Variants in CNTNAP2 observed in about 807,000 individuals in gnomAD.
CNTNAP2 encodes the protein contactin associated protein 2.
In CNTNAP2, 98 loss-of-function variants were observed where a neutral mutation model predicts 155.2. The observed-to-expected ratio is 0.63, with a 90% CI of 0.54 to 0.75. CNTNAP2 has a LOEUF of 0.75. Among genes scored for constraint, CNTNAP2 ranks in the 30% least tolerant of loss-of-function variants. CNTNAP2 has a pLI of 0.00. For synonymous variants in CNTNAP2, 651 were observed against 631.2 expected, an observed-to-expected ratio of 1.03 and a Z score of -0.47; for missense variants, 1,727 against 1,688.1, an observed-to-expected ratio of 1.02 and a Z score of -0.40.
At chr7:147,153,029 G>A (rs1403392914) in intron 8 of CNTNAP2, among the ~76,000 whole-genome samples, 1 of 151,946 alleles carries the variant, frequency 6.6e-6, no homozygotes, top group Middle Eastern at 3.2e-3. Context: ...AATTCAGCTG[G>A]GTGAGGGAGG....
intron 1 of CNTNAP2, among the ~76,000 whole-genome samples, chr7:146,579,332 TAA>T (rs1798574484): frequency 6.6e-6 from 1 of 152,156 alleles, no homozygotes; most frequent in Non-Finnish European, 1.5e-5. Context: ...TCTATAAACC[TAA>T]ATAAGCAAAC....
At chr7:147,188,897 T>C (rs1802623378) in intron 8 of CNTNAP2, among the ~76,000 whole-genome samples, 1 of 152,192 alleles carries the variant, frequency 6.6e-6, no homozygotes, top group Non-Finnish European at 1.5e-5. Flanking sequence ...ACACACTTCT[T>C]TTTTAGGGGC....
At chr7:147,855,405 A>G (rs1799018835) in intron 13 of CNTNAP2, among the ~76,000 whole-genome samples, 1 of 151,938 alleles carries the variant, frequency 6.6e-6, no homozygotes. Flanking sequence ...CTGAGCTCTG[A>G]GTGTCATCTT....
At chr7:147,673,619 G>T (rs117622035) in intron 13 of CNTNAP2, among the ~76,000 whole-genome samples, 2,107 of 152,216 alleles carry the variant, frequency 0.014, 49 homozygotes, top group Non-Finnish European at 0.017. Context: ...TAGCTCCGAT[G>T]AAATCTAAAT....
intron 20 of CNTNAP2, among the ~76,000 whole-genome samples, chr7:148,257,453 G>A (rs1796474837): frequency 6.6e-6 from 1 of 152,132 alleles, no homozygotes; most frequent in Admixed American, 6.5e-5. Context: ...AAGTCGGCAG[G>A]ATTTATGAGT....
At chr7:148,361,579 C>T (rs1241137297) in intron 21 of CNTNAP2, among the ~76,000 whole-genome samples, 1 of 152,158 alleles carries the variant, frequency 6.6e-6, no homozygotes, top group East Asian at 1.9e-4. Flanking sequence ...TACTCTCTGC[C>T]TGTGTCTCCA....
intron 2 of CNTNAP2, 143 bp downstream of exon 2, chr7:146,774,524 G>C: frequency 1.5e-6 from 1 of 659,318 alleles, no homozygotes. Context: ...AAGATCCATA[G>C]ATGCCATTAA....
At chr7:148,178,965 G>A (rs1794989368) in intron 18 of CNTNAP2, among the ~76,000 whole-genome samples, 1 of 152,196 alleles carries the variant, frequency 6.6e-6, no homozygotes, top group Admixed American at 6.5e-5. Flanking sequence ...TACTTCAGGA[G>A]CAGTGGCAGT....
intron 12 of CNTNAP2, among the ~76,000 whole-genome samples, chr7:147,606,946 A>C (rs1166983304): frequency 6.6e-6 from 1 of 152,108 alleles, no homozygotes; most frequent in Non-Finnish European, 1.5e-5. Context: ...TTTTTTAATG[A>C]GTGAAATCAC....
chr7:147,349,895 G>T (rs1207828027), intron 9 of CNTNAP2, among the ~76,000 whole-genome samples: 1 of 151,874 alleles, frequency 6.6e-6, no homozygotes, highest in African/African-American at 2.4e-5. Context: ...CTTTGTCCCT[G>T]TCTACAACAC....
intron 9 of CNTNAP2, among the ~76,000 whole-genome samples, chr7:147,363,846 T>C (rs896736921): frequency 6.6e-6 from 1 of 152,238 alleles, no homozygotes; most frequent in Non-Finnish European, 1.5e-5. Context: ...CACATGCAGT[T>C]TTAGAGTTGG....
rs6943905 is a variant in CNTNAP2 at position 147,470,576 on chromosome 7, G to A, written c.1671-15359G>A. Reference sequence around the variant, plus strand: ...CAGTAGAGATGGTAGCTATGATAGTGTCTTGGATTGGGGTAATAGCAGTAG... The same window carrying A: ...CAGTAGAGATGGTAGCTATGATAGTATCTTGGATTGGGGTAATAGCAGTAG... On this transcript the variant is annotated intron_variant, in intron 10 of 23. Transcript: ENST00000361727. Among the ~76,000 whole-genome samples, 1,039 of 152,182 alleles carry A rather than the reference G, an allele frequency of 6.8e-3. 12 individuals are homozygous for A. The highest frequency in any genetic ancestry group is 0.024 in the African/African-American group (978 of 41,502).
chr7:146,389,261 A>G (rs1410614385), intron 1 of CNTNAP2, among the ~76,000 whole-genome samples: 4 of 151,620 alleles, frequency 2.6e-5, no homozygotes, highest in Admixed American at 2.6e-4. Context: ...ACACAATTTT[A>G]TTCCCTATAT....
chr7:147,601,832 A>G (rs1384814942), intron 12 of CNTNAP2, among the ~76,000 whole-genome samples: 1 of 151,650 alleles, frequency 6.6e-6, no homozygotes, highest in Non-Finnish European at 1.5e-5. Context: ...CTACTTCTTA[A>G]GTCTCTTAAT....
intron 1 of CNTNAP2, among the ~76,000 whole-genome samples, chr7:146,547,991 G>A (rs963848303): frequency 6.6e-6 from 1 of 151,604 alleles, no homozygotes; most frequent in Non-Finnish European, 1.5e-5. Flanking sequence ...AAGTTCAGGG[G>A]TACATGTGTA....
At chr7:148,081,957 T>G (rs1381774642) in intron 15 of CNTNAP2, among the ~76,000 whole-genome samples, 1 of 151,826 alleles carries the variant, frequency 6.6e-6, no homozygotes, top group East Asian at 1.9e-4. Flanking sequence ...GGCATTGTTT[T>G]GTTTGCTTGT....
chr7:146,405,812 G>C (rs1795782964), intron 1 of CNTNAP2, among the ~76,000 whole-genome samples: 1 of 152,124 alleles, frequency 6.6e-6, no homozygotes, highest in Non-Finnish European at 1.5e-5. Flanking sequence ...TACACCTACT[G>C]TGTTAAAAAA....
chr7:146,142,929 A>G (rs1797901090), intron 1 of CNTNAP2, among the ~76,000 whole-genome samples: 2 of 152,232 alleles, frequency 1.3e-5, no homozygotes, highest in Admixed American at 6.5e-5. Context: ...CTAGAAAGGC[A>G]TCCAGTAGTT....
chr7:147,378,392 C>G (rs1352491286), intron 9 of CNTNAP2, among the ~76,000 whole-genome samples: 1 of 151,880 alleles, frequency 6.6e-6, no homozygotes, highest in African/African-American at 2.4e-5. Context: ...CTAAAGAATT[C>G]ATCGTATACA....
Sources: gnomAD v4.1 joint callset for allele counts (sites outside exome capture counted in the v4.1 genomes callset) on GRCh38, gnomAD v4.1.1 for gene constraint, MANE v1.5 for transcripts, NCBI Gene and HGNC (gene_info 2026-07-23, HGNC 2026-07-21) for gene names.